The following MC2R variants were observed in gnomAD, a reference collection of about 807,000 sequenced individuals.
The protein encoded by MC2R is adrenocorticotropic hormone receptor.
MC2R carries 9 observed loss-of-function variants against 9.8 expected under a neutral mutation model. The ratio of observed to expected loss-of-function variants is 0.92; its 90% CI spans 0.55 to 1.60. MC2R has a LOEUF of 1.60. Ranked by LOEUF, MC2R falls within the 40% of genes most tolerant of loss-of-function variation. The pLI, the probability that MC2R is intolerant of heterozygous loss-of-function variation, is 0.00. For missense variants in MC2R, 370 were observed against 389.0 expected, an observed-to-expected ratio of 0.95 and a Z score of 0.41; for synonymous variants, 185 against 154.7, an observed-to-expected ratio of 1.20 and a Z score of -1.45.
chr18:13,886,011 T>C (rs2045274046), intron 1 of MC2R, among the ~76,000 whole-genome samples: 1 of 150,766 alleles, frequency 6.6e-6, no homozygotes, highest in African/African-American at 2.4e-5. Flanking sequence ...CTCACTTATA[T>C]GTGGGAGCTA....
chr18:13,891,963 T>C (rs1488780369), intron 1 of MC2R, among the ~76,000 whole-genome samples: 1 of 152,120 alleles, frequency 6.6e-6, no homozygotes, highest in Non-Finnish European at 1.5e-5. Context: ...CTAAAGATGA[T>C]CTAATAAAGA....
At position 13,884,830 on chromosome 18, in the gene MC2R, A is replaced by C. The variant is rs1567895445; in HGVS notation, c.689T>G (p.Phe230Cys). The C allele has an allele frequency of 6.2e-7, 1 of 1,614,044 alleles. No homozygotes were observed. Reference sequence around the variant, plus strand: ...ATGAAGCACAAAGGGGGCCCAGCAGAAGATGAAGACCCCGAGCAGGATGGT... The same window carrying C: ...ATGAAGCACAAAGGGGGCCCAGCAGCAGATGAAGACCCCGAGCAGGATGGT... Reference protein sequence around the residue: ...TLTILLGVFIFCWAPFVLHVL... With the variant: ...TLTILLGVFICCWAPFVLHVL... Residue 230 changes from phenylalanine (F) to cysteine (C), a missense_variant, in exon 2 of 2, where the codon TTC (phenylalanine) becomes TGC (cysteine). Physicochemically the swap from Phe to Cys is radical, Grantham distance 205 (BLOSUM62 -2). Transcript: ENST00000327606.
intron 1 of MC2R, among the ~76,000 whole-genome samples, chr18:13,913,608 C>T (rs2045459307): frequency 1.3e-5 from 2 of 152,192 alleles, no homozygotes; most frequent in African/African-American, 4.8e-5. Context: ...TAGGACTCCA[C>T]CACACTTTAA....
intron 1 of MC2R, among the ~76,000 whole-genome samples, chr18:13,902,384 G>A (rs772722617): frequency 2.0e-5 from 3 of 152,026 alleles, no homozygotes; most frequent in Non-Finnish European, 4.4e-5. Context: ...AATAGTCAAA[G>A]CTACCCTAAG....
chr18:13,883,605 A>T lies in MC2R; in HGVS notation c.*1020T>A, dbSNP rs2045248096. On this transcript the variant is annotated 3_prime_UTR_variant, in exon 2 of 2. Transcript: ENST00000327606. The stretch of plus-strand genomic sequence containing the variant: ...CACACACACACACACACACACACAC[A>T]CACACACACACACACACACACACTC... 9.7e-6 allele frequency: 1 copy of T among 103,070 alleles called. No homozygotes were observed. The highest frequency in any genetic ancestry group is 2.0e-5 in the Non-Finnish European group (1 of 51,136). The allele number at this position is 103,070 out of a possible 1,614,324, so 6.4% of individuals were successfully genotyped here. A position where few individuals can be genotyped will look rare whatever the true frequency, so the allele number is the denominator to read the frequency against.
In MC2R at chr18:13,892,511, C is replaced by T. The variant is rs544474907; in HGVS notation, c.-128-6865G>A. Among the ~76,000 whole-genome samples, 218 of 152,290 alleles carry T rather than the reference C, an allele frequency of 1.4e-3. 2 individuals are homozygous for T. The highest frequency in any genetic ancestry group is 5.0e-3 in the African/African-American group (207 of 41,552). On this transcript the variant is annotated intron_variant, in intron 1 of 1. Coordinates refer to ENST00000327606, the MANE Select transcript of MC2R (RefSeq NM_000529.2). The stretch of plus-strand genomic sequence containing the variant: ...GTTGGAGCATGGGTGGCGGATGAGC[C>T]CAGCTCACCTTGGCTCATGTGCCTT...
chr18:13,897,470 A>G (rs2045353096), intron 1 of MC2R, among the ~76,000 whole-genome samples: 2 of 152,114 alleles, frequency 1.3e-5, no homozygotes, highest in South Asian at 4.1e-4. Context: ...GCGAGTCCTA[A>G]CGCTGAACTA....
At chr18:13,892,892 T>C (rs2149137765) in intron 1 of MC2R, among the ~76,000 whole-genome samples, 1 of 151,578 alleles carries the variant, frequency 6.6e-6, no homozygotes, top group East Asian at 1.9e-4. Context: ...AGTGGTGTGG[T>C]CATGGCTCAC....
intron 1 of MC2R, among the ~76,000 whole-genome samples, chr18:13,907,222 T>C (rs567924953): frequency 6.6e-6 from 1 of 152,260 alleles, no homozygotes; most frequent in Admixed American, 6.5e-5. Flanking sequence ...AATCCATGCA[T>C]TTGCAGTCGA....
In MC2R at chr18:13,898,599, A is replaced by T. The variant is rs555762930; in HGVS notation, c.-128-12953T>A. 7.0e-4 allele frequency among the ~76,000 whole-genome samples: 107 copies of T among 152,234 alleles called. 1 individual carries two copies. The highest frequency in any genetic ancestry group is 2.6e-3 in the African/African-American group (106 of 41,534). ...GAGTGCTGTGCTGGCTTTGGGTCTGACCCAGCCCAGTCACAGTGGTAGTGA... is the reference window on the plus strand; with the variant it reads ...GAGTGCTGTGCTGGCTTTGGGTCTGTCCCAGCCCAGTCACAGTGGTAGTGA... On this transcript the variant is annotated intron_variant, in intron 1 of 1. Transcript: ENST00000327606.
At chr18:13,903,386 T>A (rs988478498) in intron 1 of MC2R, among the ~76,000 whole-genome samples, 4 of 152,222 alleles carry the variant, frequency 2.6e-5, no homozygotes, top group African/African-American at 9.6e-5. Context: ...AAGAGGTATC[T>A]CCACTCCTAT....
In MC2R at chr18:13,887,608, G is replaced by C. The variant is rs146136929; in HGVS notation, c.-128-1962C>G. Among the ~76,000 whole-genome samples, 197 of 152,298 alleles carry C rather than the reference G, an allele frequency of 1.3e-3. 4 individuals are homozygous for C. In the Middle Eastern group the frequency reaches 0.017, roughly 13 times the overall value. ...TCTGGGTGAGATGCACATTTGAACA[G>C]GTTACTGAGTAAAACAGAGGCCCTC... On this transcript the variant is annotated intron_variant, in intron 1 of 1. Transcript: ENST00000327606.
intron 1 of MC2R, among the ~76,000 whole-genome samples, chr18:13,902,590 G>T (rs1196798251): frequency 6.6e-6 from 1 of 152,002 alleles, no homozygotes; most frequent in Non-Finnish European, 1.5e-5. Flanking sequence ...ATGCAATGGG[G>T]GATAGACAAT....
intron 1 of MC2R, among the ~76,000 whole-genome samples, chr18:13,896,115 TGA>T (rs973755455): frequency 2.0e-5 from 3 of 152,338 alleles, no homozygotes; most frequent in African/African-American, 7.2e-5. Flanking sequence ...GTGAAATCTA[TGA>T]GGCACACAGG....
At chr18:13,899,840 T>G (rs904321454) in intron 1 of MC2R, among the ~76,000 whole-genome samples, 1 of 152,134 alleles carries the variant, frequency 6.6e-6, no homozygotes, top group Non-Finnish European at 1.5e-5. Flanking sequence ...CTAGAACTGT[T>G]CTACAAGAAA....
In MC2R at chr18:13,885,488, T is replaced by A; in HGVS notation, c.31A>T (p.Ile11Phe). 1 of 1,614,194 alleles carries A rather than the reference T, an allele frequency of 6.2e-7. No individual in the cohort carries two copies. Among genetic ancestry groups the A allele is most frequent in the Non-Finnish European group, 8.5e-7 (1 of 1,180,042 alleles). Residue 11 changes from isoleucine (I) to phenylalanine (F), a missense_variant, in exon 2 of 2, where the codon ATC becomes TTC. Transcript: ENST00000327606. MKHIINSYEN[I>F]NNTARNNSDC... ...GAATTATTTCTTGCTGTGTTGTTGA[T>A]GTTTTCATACGAGTTGATAATGTGC...
At chr18:13,885,686 C>A (rs35946438) in intron 1 of MC2R, 40 bp from the exon 2 acceptor site, 1 of 722,456 alleles carries the variant, frequency 1.4e-6, no homozygotes. Context: ...GCAAAGTACA[C>A]TAGAAAATAA....
At chr18:13,890,265 G>A (rs867507896) in intron 1 of MC2R, among the ~76,000 whole-genome samples, 10 of 152,180 alleles carry the variant, frequency 6.6e-5, no homozygotes, top group African/African-American at 2.2e-4. Flanking sequence ...TGGGGCCCAT[G>A]GGCTGTGTTT....
rs373575077 is a variant in MC2R at position 13,884,609 on chromosome 18, C to T, written c.*16G>A. 1 of 1,610,790 alleles carries T rather than the reference C, an allele frequency of 6.2e-7. No homozygotes were observed. The highest frequency in any genetic ancestry group is 8.5e-7 in the Non-Finnish European group (1 of 1,179,922). On this transcript the variant is annotated 3_prime_UTR_variant, in exon 2 of 2. Coordinates refer to ENST00000327606, the MANE Select transcript of MC2R (RefSeq NM_000529.2). The stretch of plus-strand genomic sequence containing the variant: ...AACGTTATTCCCATGGATTCTAAAA[C>T]CAGGGATCAGCCATTCTACCAGTAC...
Sources: gnomAD v4.1 joint callset for allele counts (sites outside exome capture counted in the v4.1 genomes callset) on GRCh38, gnomAD v4.1.1 for gene constraint, MANE v1.5 for transcripts, NCBI Gene and HGNC (gene_info 2026-07-23, HGNC 2026-07-21) for gene names.